Variants in PEAK1 observed in about 807,000 individuals in gnomAD.
PEAK1 encodes the protein pseudopodium enriched atypical kinase 1.
A neutral mutation model predicts 124.7 loss-of-function variants in PEAK1; 54 were observed. The observed-to-expected ratio is 0.43, with a 90% CI of 0.35 to 0.54. The LOEUF (loss-of-function observed/expected upper bound fraction) is 0.54. Among genes scored for constraint, PEAK1 ranks in the 20% least tolerant of loss-of-function variants. PEAK1 has a pLI of 0.01. For missense variants in PEAK1, 2,046 were observed against 2,134.5 expected, an observed-to-expected ratio of 0.96 and a Z score of 0.82; for synonymous variants, 719 against 760.0, an observed-to-expected ratio of 0.95 and a Z score of 0.89.
At chr15:77,391,040 AG>A (rs2141917209) in intron 1 of PEAK1, among the ~76,000 whole-genome samples, 1 of 152,302 alleles carries the variant, frequency 6.6e-6, no homozygotes, top group African/African-American at 2.4e-5. Context: ...AAAGTCACAG[AG>A]ACCTTGAATC....
intron 2 of PEAK1, among the ~76,000 whole-genome samples, chr15:77,296,571 G>A (rs946642308): frequency 4.0e-5 from 6 of 151,444 alleles, no homozygotes; most frequent in African/African-American, 4.9e-5. Flanking sequence ...CCAAGATCAC[G>A]CCACTGCATT....
At chr15:77,252,108 G>C (rs2060909505) in intron 6 of PEAK1, among the ~76,000 whole-genome samples, 1 of 152,126 alleles carries the variant, frequency 6.6e-6, no homozygotes, top group Admixed American at 6.5e-5. Context: ...TGCATCAGAT[G>C]GACTTATAAA....
At chr15:77,202,338 T>C (rs907118287) in intron 6 of PEAK1, among the ~76,000 whole-genome samples, 3 of 152,184 alleles carry the variant, frequency 2.0e-5, no homozygotes, top group Non-Finnish European at 2.9e-5. Flanking sequence ...ACCTAACTAC[T>C]AATAGCCTGC....
chr15:77,278,675 GA>G, intron 5 of PEAK1: 1 of 522,412 alleles, frequency 1.9e-6, no homozygotes. Context: ...TAAGCCTGCA[GA>G]AAATGGAGAT....
At chr15:77,276,436 A>G (rs1215392941) in intron 5 of PEAK1, among the ~76,000 whole-genome samples, 7 of 152,202 alleles carry the variant, frequency 4.6e-5, no homozygotes, top group Non-Finnish European at 8.8e-5. Context: ...AACTGGCACG[A>G]TATCTTTCAG....
At position 77,401,035 on chromosome 15, in the gene PEAK1, G is replaced by C. The variant is rs145536097; in HGVS notation, c.-666+18971C>G. The stretch of plus-strand genomic sequence containing the variant: ...GTCAGAATAACTGACAAAACATTTA[G>C]AGCCAACAAAACCCAATATATACAA... On this transcript the variant is annotated intron_variant, in intron 1 of 9. Coordinates refer to ENST00000682557, the MANE Select transcript of PEAK1 (RefSeq NM_001385026.1). 5.7e-3 allele frequency among the ~76,000 whole-genome samples: 874 copies of C among 152,018 alleles called. 3 individuals carry two copies. Among genetic ancestry groups the C allele is most frequent in the Non-Finnish European group, 9.1e-3 (621 of 67,960 alleles).
chr15:77,226,153 A>C (rs2059666898), intron 6 of PEAK1, among the ~76,000 whole-genome samples: 1 of 145,384 alleles, frequency 6.9e-6, no homozygotes, highest in South Asian at 2.2e-4. Flanking sequence ...CATTACCAGG[A>C]AACAGAACAA....
intron 2 of PEAK1, among the ~76,000 whole-genome samples, chr15:77,303,837 C>A (rs1417946867): frequency 6.6e-6 from 1 of 152,078 alleles, no homozygotes; most frequent in Non-Finnish European, 1.5e-5. Flanking sequence ...ATGTTTTCCT[C>A]AATAAGTTTT....
At chr15:77,380,239 C>A (rs537281613) in intron 1 of PEAK1, among the ~76,000 whole-genome samples, 1 of 152,068 alleles carries the variant, frequency 6.6e-6, no homozygotes, top group Non-Finnish European at 1.5e-5. Context: ...CAATAATACA[C>A]GCTGGTTATG....
At chr15:77,346,815 A>G in intron 2 of PEAK1, 12 of 840,580 alleles carry the variant, frequency 1.4e-5, no homozygotes, top group Non-Finnish European at 1.7e-5. Context: ...GGCAGACACT[A>G]CTGTAGGTGC....
intron 6 of PEAK1, among the ~76,000 whole-genome samples, chr15:77,200,752 A>T (rs1312601246): frequency 1.3e-5 from 2 of 152,166 alleles, no homozygotes; most frequent in Admixed American, 1.3e-4. Flanking sequence ...AGATAAACTG[A>T]ATAAAGGGCA....
At chr15:77,319,800 G>C (rs142066032) in intron 2 of PEAK1, among the ~76,000 whole-genome samples, 1 of 152,192 alleles carries the variant, frequency 6.6e-6, no homozygotes, top group African/African-American at 2.4e-5. Context: ...CAAATTTATA[G>C]ATGCACCCAT....
intron 2 of PEAK1, chr15:77,332,898 CTAA>C (rs1014761062): frequency 6.3e-5 from 13 of 204,956 alleles, no homozygotes; most frequent in African/African-American, 3.1e-4. Flanking sequence ...TCTTTGTTTA[CTAA>C]TGAGATTGAT....
In PEAK1 at chr15:77,133,288, C is replaced by T. The variant is rs1403149885; in HGVS notation, c.3794G>A (p.Gly1265Asp). 1 of 1,614,222 alleles carries T rather than the reference C, an allele frequency of 6.2e-7. No homozygotes were observed. ...TCTCTGCGGCTTCTGGATGCCTCGGCCCTGTCTGCAAGAGGGCCCACGCCG... is the reference window on the plus strand; with the variant it reads ...TCTCTGCGGCTTCTGGATGCCTCGGTCCTGTCTGCAAGAGGGCCCACGCCG... ...SSRRGPSCRQGRGIQKPQRQA... is the reference protein window; with the variant it reads ...SSRRGPSCRQDRGIQKPQRQA... The change falls in exon 9 of 10, where the codon GGC becomes GAC. Residue 1265 changes from glycine (G) to aspartate (D), a missense_variant. Coordinates refer to ENST00000682557, the MANE Select transcript of PEAK1 (RefSeq NM_001385026.1). This position sits in a 1 kb window ranked among gnomAD's most constrained non-coding sequence, Gnocchi z 4.2.
rs551936285 is a variant in PEAK1, at chr15:77,349,277, G to T, written c.-603+15886C>A. The T allele has an allele frequency of 3.9e-5, 26 of 672,534 alleles. 1 individual carries two copies. The East Asian group carries it at 2.9e-3, about 75-fold the overall frequency. The allele number at this position is 672,534 out of a possible 1,614,324, so 41.7% of individuals were successfully genotyped here. On this transcript the variant is annotated intron_variant, in intron 2 of 9. Transcript: ENST00000682557. ...GATGGTCTCGATCTTCTGACCTTAC[G>T]ATCTGCCCGCCTCGGCCTCCCAAAG...
intron 2 of PEAK1, among the ~76,000 whole-genome samples, chr15:77,359,401 C>T (rs1263898732): frequency 6.6e-6 from 1 of 151,338 alleles, no homozygotes; most frequent in Non-Finnish European, 1.5e-5. Flanking sequence ...GTTCACACCA[C>T]TACACTCCAG....
chr15:77,169,936 T>A (rs902046380), intron 7 of PEAK1, among the ~76,000 whole-genome samples: 1 of 152,140 alleles, frequency 6.6e-6, no homozygotes, highest in Non-Finnish European at 1.5e-5. Context: ...TGGATATGTT[T>A]CATTTGAAGT....
At chr15:77,287,712 AGTT>A (rs1031945133) in intron 2 of PEAK1, among the ~76,000 whole-genome samples, 2 of 152,154 alleles carry the variant, frequency 1.3e-5, no homozygotes, top group African/African-American at 4.8e-5. Flanking sequence ...TCCTACATCC[AGTT>A]GTTTGTTGGA....
chr15:77,128,763 A>T (rs911277834), intron 9 of PEAK1, among the ~76,000 whole-genome samples: 8 of 152,180 alleles, frequency 5.3e-5, no homozygotes, highest in Non-Finnish European at 7.3e-5. Flanking sequence ...ACAGGTTCAC[A>T]ACTGGAGAGC....
Sources: allele counts gnomAD v4.1 joint callset (sites outside exome capture counted in the v4.1 genomes callset), GRCh38; gene constraint gnomAD v4.1.1; non-coding constraint Gnocchi (gnomAD v3.1); transcripts MANE v1.5; gene names NCBI Gene and HGNC (gene_info 2026-07-23, HGNC 2026-07-21).